The following SND1 variants were observed in gnomAD, a reference collection of about 807,000 sequenced individuals.
The protein encoded by SND1 is staphylococcal nuclease and tudor domain containing 1.
SND1 carries 38 observed loss-of-function variants against 121.7 expected under a neutral mutation model. The ratio of observed to expected loss-of-function variants is 0.31; its 90% CI spans 0.24 to 0.41. The LOEUF is 0.41. Ranked by LOEUF, SND1 falls within the 10% of genes least tolerant of loss-of-function variation. The probability of loss-of-function intolerance (pLI) is 1.00; values close to 1 mark genes in which losing one functional copy is unlikely to be tolerated. For missense variants in SND1, 868 were observed against 1,184.6 expected, an observed-to-expected ratio of 0.73 and a Z score of 3.92; for synonymous variants, 401 against 447.4, an observed-to-expected ratio of 0.90 and a Z score of 1.31.
chr7:128,025,517 T>C (rs1803456364), intron 16 of SND1, among the ~76,000 whole-genome samples: 2 of 152,234 alleles, frequency 1.3e-5, no homozygotes, highest in Admixed American at 1.3e-4. Context: ...CGTGTTGCTA[T>C]AACTACCCCC....
chr7:127,903,182 C>T (rs1487079497), intron 13 of SND1, among the ~76,000 whole-genome samples: 1 of 151,968 alleles, frequency 6.6e-6, no homozygotes, highest in Non-Finnish European at 1.5e-5. Flanking sequence ...ACACCCAGCC[C>T]GATTTTTTTT....
At position 127,937,620 on chromosome 7, in the gene SND1, G is replaced by A. The variant is rs56150038; in HGVS notation, c.1669+8291G>A. On this transcript the variant is annotated intron_variant, in intron 15 of 23. Coordinates refer to ENST00000354725, the MANE Select transcript of SND1 (RefSeq NM_014390.4). ...CATGGTGAACTAAAGGTTTGGCTGT[G>A]TGTCCTTTCACCCTGAATGCCTTTG... 9.4e-3 allele frequency among the ~76,000 whole-genome samples: 1,436 copies of A among 152,290 alleles called. 14 individuals carry two copies. Among genetic ancestry groups the A allele is most frequent in the Non-Finnish European group, 0.016 (1,066 of 68,012 alleles).
chr7:127,827,279 G>C (rs1016496870), intron 11 of SND1, among the ~76,000 whole-genome samples: 8 of 152,136 alleles, frequency 5.3e-5, no homozygotes, highest in Non-Finnish European at 8.8e-5. Context: ...CCAATTAAGA[G>C]TTGGAATTTA....
Position 128,092,141 on chromosome 7 carries a change from C to CTCTCTGGGGTTTGG in SND1, c.*83_*84insTCTCTGGGGTTTGG. ...GGAGGGTGTTTTCAACTCCAAACCCCAGAGAGGGGTTGTAGATTGGGTCCA... is the reference window on the plus strand; with the variant it reads ...GGAGGGTGTTTTCAACTCCAAACCCCTCTCTGGGGTTTGGAGAGAGGGGTTGTAGATTGGGTCCA... On this transcript the variant is annotated 3_prime_UTR_variant, in exon 24 of 24. Coordinates refer to ENST00000354725, the MANE Select transcript of SND1 (RefSeq NM_014390.4). The surrounding 1 kb of genome is among the most constrained non-coding windows in gnomAD (Gnocchi z 4.9). The CTCTCTGGGGTTTGG allele has an allele frequency of 7.1e-7, 1 of 1,405,072 alleles. No individual in the cohort carries two copies. The highest frequency in any genetic ancestry group is 1.0e-6 in the Non-Finnish European group (1 of 994,956). The allele number at this position is 1,405,072 out of a possible 1,614,324, so 87.0% of individuals were successfully genotyped here. A position where few individuals can be genotyped will look rare whatever the true frequency, so the allele number is the denominator to read the frequency against.
chr7:127,934,737 G>A (rs1048752023), intron 15 of SND1, among the ~76,000 whole-genome samples: 4 of 152,138 alleles, frequency 2.6e-5, no homozygotes, highest in East Asian at 1.9e-4. Context: ...TAGGTTGTTC[G>A]TTTGGTTTTG....
intron 14 of SND1, among the ~76,000 whole-genome samples, chr7:127,915,579 T>TTGAG (rs1800556969): frequency 6.6e-6 from 1 of 152,184 alleles, no homozygotes; most frequent in Non-Finnish European, 1.5e-5. Context: ...ATGCTGAGTG[T>TTGAG]TGAGAATATA....
intron 16 of SND1, among the ~76,000 whole-genome samples, chr7:128,037,413 A>T (rs1337810117): frequency 6.6e-6 from 1 of 152,156 alleles, no homozygotes; most frequent in Admixed American, 6.5e-5. Context: ...ATCCAGGATG[A>T]TCTCCTTATC....
chr7:127,879,372 C>T (rs1330874966), intron 12 of SND1, among the ~76,000 whole-genome samples: 1 of 152,122 alleles, frequency 6.6e-6, no homozygotes, highest in Non-Finnish European at 1.5e-5. Context: ...GAGCATTTTT[C>T]CTACTTGCTA....
chr7:128,028,487 G>A, intron 16 of SND1: 1 of 482,718 alleles, frequency 2.1e-6, no homozygotes, highest in Non-Finnish European at 3.5e-6. Flanking sequence ...CCTTTAAATA[G>A]AACTTACAAG....
intron 16 of SND1, among the ~76,000 whole-genome samples, chr7:128,017,090 A>G (rs1394491387): frequency 6.6e-6 from 1 of 152,224 alleles, no homozygotes; most frequent in Non-Finnish European, 1.5e-5. Flanking sequence ...ACCCCCTGTT[A>G]TGTCAGAGAA....
intron 10 of SND1, among the ~76,000 whole-genome samples, chr7:127,750,455 G>A (rs1797069214): frequency 6.6e-6 from 1 of 152,176 alleles, no homozygotes; most frequent in Non-Finnish European, 1.5e-5. Context: ...TGGTACGTGT[G>A]TGGTATGTTA....
At chr7:127,736,995 A>AT (rs1299406351) in intron 10 of SND1, among the ~76,000 whole-genome samples, 1 of 152,232 alleles carries the variant, frequency 6.6e-6, no homozygotes, top group East Asian at 1.9e-4. Flanking sequence ...TATTTGCACA[A>AT]TTACATTACA....
intron 16 of SND1, among the ~76,000 whole-genome samples, chr7:128,065,145 G>A (rs1018551032): frequency 9.2e-5 from 14 of 152,238 alleles, no homozygotes; most frequent in African/African-American, 2.9e-4. Flanking sequence ...AATCGGGAAG[G>A]TGATGACAGA....
intron 11 of SND1, among the ~76,000 whole-genome samples, chr7:127,843,507 A>G (rs1799001477): frequency 6.6e-6 from 1 of 152,174 alleles, no homozygotes; most frequent in Non-Finnish European, 1.5e-5. Context: ...TACACCTTTT[A>G]AAGTGTCTGC....
At chr7:127,897,380 G>A (rs1800141543) in intron 13 of SND1, among the ~76,000 whole-genome samples, 1 of 152,140 alleles carries the variant, frequency 6.6e-6, no homozygotes, top group East Asian at 1.9e-4. Flanking sequence ...TGTAACTGAT[G>A]TGTTTGTGTT....
At chr7:128,080,701 C>T (rs12706824) in intron 17 of SND1, among the ~76,000 whole-genome samples, 9,915 of 152,210 alleles carry the variant, frequency 0.065, 417 homozygotes, top group Middle Eastern at 0.19. Context: ...CACACTCGGA[C>T]GTGCATGAGA....
chr7:127,779,493 A>C (rs571369134), intron 10 of SND1, among the ~76,000 whole-genome samples: 1 of 152,358 alleles, frequency 6.6e-6, no homozygotes, highest in East Asian at 1.9e-4. Flanking sequence ...GACAATGGCC[A>C]TATTCCCATG....
chr7:127,855,881 T>C (rs919751421), intron 12 of SND1, among the ~76,000 whole-genome samples: 4 of 152,214 alleles, frequency 2.6e-5, no homozygotes, highest in Non-Finnish European at 4.4e-5. Flanking sequence ...TAAGGATGAA[T>C]TTAGTAAGTA....
In SND1 at chr7:127,821,911, T is replaced by C. The variant is rs142335450; in HGVS notation, c.1242+14338T>C. On this transcript the variant is annotated intron_variant, in intron 11 of 23. Coordinates refer to ENST00000354725, the MANE Select transcript of SND1 (RefSeq NM_014390.4). ...CAGGTTATTTTTTGACAAGCTATTA[T>C]ATAAAATGGGCAGACATTTGAATTA... 9.1e-4 allele frequency among the ~76,000 whole-genome samples: 139 copies of C among 152,358 alleles called. 1 individual carries two copies. The highest frequency in any genetic ancestry group is 3.4e-3 in the Middle Eastern group (1 of 294).
Sources: allele counts gnomAD v4.1 joint callset (sites outside exome capture counted in the v4.1 genomes callset), GRCh38; gene constraint gnomAD v4.1.1; non-coding constraint Gnocchi (gnomAD v3.1); transcripts MANE v1.5; gene names NCBI Gene and HGNC (gene_info 2026-07-23, HGNC 2026-07-21).